The following ERC1 variants were observed in gnomAD, a reference collection of about 807,000 sequenced individuals.
ERC1 encodes the protein RAB6 interacting protein 2.
A neutral mutation model predicts 132.0 loss-of-function variants in ERC1; 56 were observed. The observed-to-expected ratio is 0.42, with a 90% confidence interval of 0.34 to 0.53. ERC1 has a LOEUF of 0.53. Ranked by LOEUF, ERC1 falls within the 20% of genes least tolerant of loss-of-function variation. The pLI, the probability that ERC1 is intolerant of heterozygous loss-of-function variation, is 0.03. For missense variants in ERC1, 1,202 were observed against 1,349.9 expected, an observed-to-expected ratio of 0.89 and a Z score of 1.72; for synonymous variants, 478 against 476.1, an observed-to-expected ratio of 1.00 and a Z score of -0.05.
intron 16 of ERC1, among the ~76,000 whole-genome samples, chr12:1,383,431 C>A (rs1184172352): frequency 7.3e-6 from 1 of 137,720 alleles, no homozygotes; most frequent in African/African-American, 2.6e-5. Context: ...GTTCCTGCTG[C>A]CTCTTTTGGT....
intron 18 of ERC1, among the ~76,000 whole-genome samples, chr12:1,484,268 G>A (rs1208090397): frequency 6.6e-6 from 1 of 150,920 alleles, no homozygotes; most frequent in Non-Finnish European, 1.5e-5. Flanking sequence ...TCGCACCACT[G>A]CACTCCAGCC....
intron 5 of ERC1, among the ~76,000 whole-genome samples, chr12:1,111,600 T>A (rs1945865955): frequency 6.6e-6 from 1 of 151,986 alleles, no homozygotes; most frequent in African/African-American, 2.4e-5. Context: ...AAAACTCACA[T>A]ACCCAACTTT....
intron 12 of ERC1, among the ~76,000 whole-genome samples, chr12:1,198,350 A>T (rs536822635): frequency 9.2e-5 from 14 of 152,204 alleles, no homozygotes; most frequent in Non-Finnish European, 5.9e-5. Flanking sequence ...AACTATTAAT[A>T]CTAATTTCAG....
intron 18 of ERC1, among the ~76,000 whole-genome samples, chr12:1,448,148 C>T (rs775545416): frequency 2.6e-5 from 4 of 152,190 alleles, no homozygotes; most frequent in Non-Finnish European, 5.9e-5. Flanking sequence ...GATTGTGTTA[C>T]AGTCAAGCTA....
intron 13 of ERC1, among the ~76,000 whole-genome samples, chr12:1,249,117 C>T (rs2076326437): frequency 6.6e-6 from 1 of 152,060 alleles, no homozygotes; most frequent in African/African-American, 2.4e-5. Flanking sequence ...GACTTGAACT[C>T]CTGGCCTCAA....
rs112803121 is a variant in ERC1, at chr12:1,466,123, G to A, written c.3213+21373G>A. ...ACCGTAACAAAATACCACAGACCGC[G>A]TGGCTTAAGCAACGTAAATTGATTT... On this transcript the variant is annotated intron_variant, in intron 18 of 18. Coordinates refer to ENST00000360905, the MANE Select transcript of ERC1 (RefSeq NM_178040.4). Among the ~76,000 whole-genome samples, 1,387 of 152,242 alleles carry A rather than the reference G, an allele frequency of 9.1e-3. 19 individuals carry two copies. The highest frequency in any genetic ancestry group is 0.031 in the African/African-American group (1,290 of 41,520).
At chr12:1,204,626 T>C (rs1393708090) in intron 12 of ERC1, 2 of 969,568 alleles carry the variant, frequency 2.1e-6, no homozygotes, top group Non-Finnish European at 1.5e-6. Context: ...TCTAGAAATC[T>C]AGCTGTGAGG....
chr12:1,324,857 G>A lies in ERC1; in HGVS notation c.2780+34845G>A, dbSNP rs562679708. Reference sequence around the variant, plus strand: ...CTGCCTGTTTTTCTTCAGGTATCATGAAAGTGAATGAAGTATTTTCAAGTC... The same window carrying A: ...CTGCCTGTTTTTCTTCAGGTATCATAAAAGTGAATGAAGTATTTTCAAGTC... On this transcript the variant is annotated intron_variant, in intron 15 of 18. Coordinates refer to ENST00000360905, the MANE Select transcript of ERC1 (RefSeq NM_178040.4). Among the ~76,000 whole-genome samples, 7 of 152,268 alleles carry A rather than the reference G, an allele frequency of 4.6e-5. No homozygotes were observed. The East Asian group carries it at 1.2e-3, about 25-fold the overall frequency.
At chr12:1,135,839 T>G (rs1949196439) in intron 7 of ERC1, among the ~76,000 whole-genome samples, 1 of 152,206 alleles carries the variant, frequency 6.6e-6, no homozygotes, top group Non-Finnish European at 1.5e-5. Flanking sequence ...AAAATAAATC[T>G]ATTGTTTAAA....
intron 15 of ERC1, among the ~76,000 whole-genome samples, chr12:1,362,456 C>CTCTCTCTCTCTCTG (rs1423811185): frequency 6.6e-6 from 1 of 152,072 alleles, no homozygotes; most frequent in Non-Finnish European, 1.5e-5. Context: ...CTGTCTCTCT[C>CTCTCTCTCTCTCTG]TCTCTCTCTC....
chr12:1,011,857 G>C (rs934019460), intron 1 of ERC1, among the ~76,000 whole-genome samples: 2 of 151,832 alleles, frequency 1.3e-5, no homozygotes, highest in Non-Finnish European at 2.9e-5. Context: ...TGAGGCATGA[G>C]AATTGCTTGA....
chr12:1,234,794 C>A (rs1229040791), intron 12 of ERC1, among the ~76,000 whole-genome samples: 1 of 151,980 alleles, frequency 6.6e-6, no homozygotes, highest in African/African-American at 2.4e-5. Context: ...TTTGTACACA[C>A]CAGAAGTGGC....
At chr12:1,290,964 G>A (rs561221732) in intron 15 of ERC1, among the ~76,000 whole-genome samples, 1 of 152,238 alleles carries the variant, frequency 6.6e-6, no homozygotes, top group African/African-American at 2.4e-5. Flanking sequence ...TAAATGCACA[G>A]TCTGTCTTTG....
rs749091027 is a variant in ERC1, at chr12:1,444,689, A to G, written c.3152A>G (p.Tyr1051Cys). Residue 1051 changes from tyrosine (Y) to cysteine (C), a missense_variant, in exon 18 of 19, where the codon TAT becomes TGT. By Grantham distance (194) the Tyr-to-Cys change is radical. Coordinates refer to ENST00000360905, the MANE Select transcript of ERC1 (RefSeq NM_178040.4). ...CGTGGACTCACTCCACCAGCTTCCT[A>G]TAACTTGGACGATGACCAGGCGGCT... ...ILRGLTPPAS[Y>C]NLDDDQAAWE... 1.4e-5 allele frequency: 23 copies of G among 1,614,004 alleles called. No individual in the cohort carries two copies. The highest frequency in any genetic ancestry group is 4.4e-5 in the South Asian group (4 of 91,080).
At chr12:1,398,219 A>G (rs866077999) in intron 16 of ERC1, among the ~76,000 whole-genome samples, 12 of 152,076 alleles carry the variant, frequency 7.9e-5, no homozygotes, top group African/African-American at 2.4e-4. Flanking sequence ...CCTGGGCTCA[A>G]GTGATCCTCC....
rs56939346 is a variant in ERC1, at chr12:1,493,548, A to AAAATATATAT, written c.*3319_*3320insAATATATATA. 35 of 13,614 alleles carry AAAATATATAT rather than the reference A, an allele frequency of 2.6e-3. No individual in the cohort carries two copies. Among genetic ancestry groups the AAAATATATAT allele is most frequent in the Admixed American group, 5.1e-3 (5 of 974 alleles). 0.8% of individuals were successfully genotyped at this position (13,614 alleles called of 1,614,324 possible). A position where few individuals can be genotyped will look rare whatever the true frequency, so the allele number is the denominator to read the frequency against. The stretch of plus-strand genomic sequence containing the variant: ...ACTCCATTTAAAAAAAAAAAAAAAA[A>AAAATATATAT]ATATATATATATATATATATATATA... On this transcript the variant is annotated 3_prime_UTR_variant, in exon 19 of 19. Transcript: ENST00000360905.
intron 13 of ERC1, among the ~76,000 whole-genome samples, chr12:1,238,384 C>G (rs2075570801): frequency 6.6e-6 from 1 of 152,034 alleles, no homozygotes; most frequent in African/African-American, 2.4e-5. Context: ...CACATAAATA[C>G]TTTTAAGTTG....
At chr12:1,202,913 T>C (rs1243786328) in intron 12 of ERC1, among the ~76,000 whole-genome samples, 2 of 152,216 alleles carry the variant, frequency 1.3e-5, no homozygotes, top group Non-Finnish European at 2.9e-5. Flanking sequence ...GGAACAATCA[T>C]TTAGAGATCG....
intron 18 of ERC1, among the ~76,000 whole-genome samples, chr12:1,470,114 T>G (rs1415727842): frequency 3.3e-5 from 5 of 150,258 alleles, no homozygotes; most frequent in African/African-American, 1.2e-4. Context: ...TGTATCAGAT[T>G]TATACTAAAA....
Sources: allele counts gnomAD v4.1 joint callset (sites outside exome capture counted in the v4.1 genomes callset), GRCh38; gene constraint gnomAD v4.1.1; transcripts MANE v1.5; gene names NCBI Gene and HGNC (gene_info 2026-07-23, HGNC 2026-07-21).